CERKL: variants seen among roughly 807,000 people sequenced by gnomAD.
CERKL encodes the protein CERK like autophagy regulator, also known as ceramide kinase-like protein.
CERKL carries 61 observed loss-of-function variants against 63.4 expected under a neutral mutation model. The ratio of observed to expected loss-of-function variants is 0.96; its 90% CI spans 0.78 to 1.19. The LOEUF is 1.19. CERKL is among the 50% of genes most tolerant of loss of function. The pLI is 0.00. For missense variants in CERKL, 675 were observed against 655.5 expected (o/e 1.03, Z -0.33); for synonymous variants, 250 against 230.5 (o/e 1.08, Z -0.77).
chr2:181,628,845 C>T (rs1375647817), intron 1 of CERKL, among the ~76,000 whole-genome samples: 1 of 152,094 alleles, frequency 6.6e-6, no homozygotes, highest in Non-Finnish European at 1.5e-5. Flanking sequence ...AAGAACAAAT[C>T]CCACTCAATA....
chr2:181,629,783 T>C (rs1025506514), intron 1 of CERKL, among the ~76,000 whole-genome samples: 39 of 152,254 alleles, frequency 2.6e-4, no homozygotes, highest in Admixed American at 4.6e-4. Context: ...ATTTGTGCTA[T>C]ATTTAGACTG....
chr2:181,656,822 A>T lies in CERKL; in HGVS notation c.185T>A (p.Val62Glu). ...FEIGRDSCDV[V>E]LSERALRWRP... ...CCACCGCAGTGCTCGCTCGCTCAGC[A>T]CCACGTCACAACTGTCCCTCCCGAT... Residue 62 changes from valine to glutamate, a missense_variant, in exon 1 of 13, where the codon GTG (valine) becomes GAG (glutamate). Physicochemically the swap from Val to Glu is moderately radical, Grantham distance 121 (BLOSUM62 -2). Coordinates refer to ENST00000410087, the MANE Select transcript of CERKL (RefSeq NM_201548.5). 6.2e-7 allele frequency: 1 copy of T among 1,600,030 alleles called. No homozygotes were observed. The highest frequency in any genetic ancestry group is 8.5e-7 in the Non-Finnish European group (1 of 1,170,826).
intron 1 of CERKL, among the ~76,000 whole-genome samples, chr2:181,650,840 G>A (rs1051796563): frequency 3.3e-5 from 5 of 151,596 alleles, no homozygotes; most frequent in Non-Finnish European, 7.4e-5. Context: ...ATTCAACTCA[G>A]AGGAGAAATA....
At chr2:181,588,404 C>A (rs1005150521) in intron 2 of CERKL, among the ~76,000 whole-genome samples, 8 of 152,140 alleles carry the variant, frequency 5.3e-5, no homozygotes, top group African/African-American at 1.9e-4. Context: ...CCAGGTTCAA[C>A]CACGTTGTGG....
At chr2:181,541,501 T>A (rs1322665658) in intron 11 of CERKL, among the ~76,000 whole-genome samples, 1 of 152,208 alleles carries the variant, frequency 6.6e-6, no homozygotes, top group African/African-American at 2.4e-5. Flanking sequence ...GGCAGGGACC[T>A]GGATACAAAG....
chr2:181,625,376 A>T (rs567479188), intron 1 of CERKL, among the ~76,000 whole-genome samples: 22 of 152,276 alleles, frequency 1.4e-4, no homozygotes, highest in South Asian at 2.1e-4. Flanking sequence ...GCAAAAAAAA[A>T]AAATAAATGG....
At chr2:181,601,810 T>A (rs1685470496) in intron 2 of CERKL, among the ~76,000 whole-genome samples, 1 of 152,164 alleles carries the variant, frequency 6.6e-6, no homozygotes, top group Non-Finnish European at 1.5e-5. Context: ...TTTTAACAGT[T>A]TGTTTGTATG....
chr2:181,584,526 A>T (rs1684675721), intron 2 of CERKL, among the ~76,000 whole-genome samples: 1 of 151,916 alleles, frequency 6.6e-6, no homozygotes, highest in Admixed American at 6.6e-5. Flanking sequence ...AAGAAAAAAA[A>T]AATCTGCCAT....
At chr2:181,575,490 G>A (rs1439828208) in intron 2 of CERKL, among the ~76,000 whole-genome samples, 1 of 152,182 alleles carries the variant, frequency 6.6e-6, no homozygotes, top group Admixed American at 6.5e-5. Context: ...TAACAGAGAA[G>A]GACAAAGTAC....
intron 3 of CERKL, among the ~76,000 whole-genome samples, chr2:181,570,137 C>T (rs1325737832): frequency 6.6e-6 from 1 of 152,130 alleles, no homozygotes; most frequent in Admixed American, 6.6e-5. Context: ...TTTTGTAAGT[C>T]AGCACAGAGG....
intron 1 of CERKL, among the ~76,000 whole-genome samples, chr2:181,615,403 G>A (rs1033295226): frequency 6.6e-6 from 1 of 152,244 alleles, no homozygotes; most frequent in Non-Finnish European, 1.5e-5. Flanking sequence ...CCTCGGGCTT[G>A]TCTAAATCAA....
intron 1 of CERKL, among the ~76,000 whole-genome samples, chr2:181,640,744 G>A (rs1056364254): frequency 1.3e-5 from 2 of 152,190 alleles, no homozygotes; most frequent in African/African-American, 2.4e-5. Flanking sequence ...GCTTTGCCAT[G>A]TTTGGATTTC....
intron 11 of CERKL, among the ~76,000 whole-genome samples, chr2:181,539,957 A>G (rs78130246): frequency 0.012 from 1,896 of 152,338 alleles, 45 homozygotes; most frequent in African/African-American, 0.044. Flanking sequence ...GCAGAAATGT[A>G]TAACTACTCA....
At position 181,649,380 on chromosome 2, in the gene CERKL, T is replaced by C. The variant is rs76674608; in HGVS notation, c.238+7389A>G. On this transcript the variant is annotated intron_variant, in intron 1 of 12. Coordinates refer to ENST00000410087, the MANE Select transcript of CERKL (RefSeq NM_201548.5). ...CAATTATAAACATACATGTACCTAA[T>C]ACCTAAGTACCCAGATACATACAGC... Among the ~76,000 whole-genome samples, 5 of 152,188 alleles carry C rather than the reference T, an allele frequency of 3.3e-5. No individual in the cohort carries two copies. In the East Asian group the frequency reaches 5.8e-4, roughly 18 times the overall value.
chr2:181,616,751 A>G (rs1686215482), intron 1 of CERKL, among the ~76,000 whole-genome samples: 2 of 152,214 alleles, frequency 1.3e-5, no homozygotes, highest in Admixed American at 6.5e-5. Context: ...TTCACATTCC[A>G]AATATCCTGG....
intron 5 of CERKL, among the ~76,000 whole-genome samples, chr2:181,549,960 T>C (rs2105806073): frequency 6.6e-6 from 1 of 152,304 alleles, no homozygotes; most frequent in African/African-American, 2.4e-5. Flanking sequence ...TAGTAACCGC[T>C]TACAGCTTTT....
At chr2:181,543,809 C>A (rs539517048) in intron 11 of CERKL, among the ~76,000 whole-genome samples, 1 of 152,040 alleles carries the variant, frequency 6.6e-6, no homozygotes, top group East Asian at 1.9e-4. Context: ...CATGGTGAAA[C>A]CCTGTCTCTA....
intron 5 of CERKL, 81 bp from the exon 6 acceptor site, chr2:181,549,789 C>A: frequency 1.1e-6 from 1 of 893,066 alleles, no homozygotes; most frequent in South Asian, 1.3e-5. Context: ...ATGTAGATGT[C>A]ATTCTTCAAT....
chr2:181,546,605 C>T (rs1008695686), intron 10 of CERKL, among the ~76,000 whole-genome samples: 23 of 152,066 alleles, frequency 1.5e-4, no homozygotes, highest in Admixed American at 1.4e-3. Flanking sequence ...GAATATTTCC[C>T]CGTTTATTGC....
Sources: gnomAD v4.1 joint callset for allele counts (sites outside exome capture counted in the v4.1 genomes callset) on GRCh38, gnomAD v4.1.1 for gene constraint, MANE v1.5 for transcripts, NCBI Gene and HGNC (gene_info 2026-07-23, HGNC 2026-07-21) for gene names.